The following PALS1 variants were observed in gnomAD, a reference collection of about 807,000 sequenced individuals.
PALS1 encodes protein associated with LIN7 1, MAGUK p55 family member, also known as protein PALS1.
PALS1 carries 31 observed loss-of-function variants against 78.9 expected under a neutral mutation model. That is an observed-to-expected ratio of 0.39 (90% CI 0.30 to 0.53). PALS1 has a LOEUF of 0.53. PALS1 is among the 20% of genes least tolerant of loss of function. The pLI, the probability that PALS1 is intolerant of heterozygous loss-of-function variation, is 0.67. For synonymous variants in PALS1, 276 were observed against 270.9 expected (o/e 1.02, Z -0.18); for missense variants, 704 against 826.5 (o/e 0.85, Z 1.82).
chr14:67,299,844 TTTTGTATACCC>T (rs2084908423), intron 4 of PALS1, among the ~76,000 whole-genome samples: 3 of 152,348 alleles, frequency 2.0e-5, no homozygotes, highest in South Asian at 4.1e-4. Context: ...ACTCAGTGTA[TTTTGTATACCC>T]TTGGTACATT....
intron 4 of PALS1, among the ~76,000 whole-genome samples, chr14:67,296,506 G>A (rs1028272121): frequency 2.7e-4 from 40 of 149,744 alleles, no homozygotes; most frequent in Admixed American, 2.6e-3. Flanking sequence ...GCATGAACCC[G>A]GGGAGGCAGA....
Position 67,302,122 on chromosome 14 carries a change from AGT to A in PALS1, c.801+7_801+8del. ...AAAGGCTCGTGATATTCCGTTGGTA[AGT>A]GTCCCACATACTGTTTTTAAACAAG... On this transcript the variant is annotated splice_donor_5th_base_variant and intron_variant, in intron 6 of 14. Transcript: ENST00000261681. 2 of 1,598,070 alleles carry A rather than the reference AGT, an allele frequency of 1.3e-6. No homozygotes were observed. Among genetic ancestry groups the A allele is most frequent in the Non-Finnish European group, 1.7e-6 (2 of 1,173,468 alleles).
chr14:67,260,464 CTT>C (rs1221082198), intron 1 of PALS1, among the ~76,000 whole-genome samples: 1 of 152,192 alleles, frequency 6.6e-6, no homozygotes, highest in Non-Finnish European at 1.5e-5. Flanking sequence ...AGTTAACAAA[CTT>C]TGCCTCGGGG....
intron 5 of PALS1, 77 bp from the exon 6 acceptor site, chr14:67,301,895 A>G (rs776477084): frequency 2.8e-6 from 4 of 1,421,486 alleles, no homozygotes; most frequent in South Asian, 3.0e-5. Flanking sequence ...TCAGAATACT[A>G]TGTACATAGG....
At chr14:67,296,585 C>CA (rs374329692) in intron 4 of PALS1, among the ~76,000 whole-genome samples, 2,665 of 50,862 alleles carry the variant, frequency 0.052, 586 homozygotes, top group Non-Finnish European at 0.11. Context: ...AACTCTGTCT[C>CA]AAAAAAAAAA....
rs747609089 is a variant in PALS1, at chr14:67,303,558, C to G, written c.1000C>G (p.Pro334Ala). Residue 334 changes from proline to alanine, a missense_variant, in exon 8 of 15, where the codon CCC becomes GCC. Transcript: ENST00000261681. ...TGGTACTTTGACTTTTGTCCTGATT[C>G]CCAGTCAACAGATCAAGCCGCCTCC... ...MHGTLTFVLIPSQQIKPPPAK... is the reference protein window; with the variant it reads ...MHGTLTFVLIASQQIKPPPAK... The G allele has an allele frequency of 1.9e-6, 3 of 1,613,778 alleles. No individual in the cohort carries two copies. Among genetic ancestry groups the G allele is most frequent in the Non-Finnish European group, 1.7e-6 (2 of 1,179,772 alleles).
chr14:67,287,483 T>TA (rs1208245250), intron 3 of PALS1, among the ~76,000 whole-genome samples: 1 of 152,062 alleles, frequency 6.6e-6, no homozygotes, highest in African/African-American at 2.4e-5. Flanking sequence ...AAAGAAGAAA[T>TA]TCAAATGGCT....
chr14:67,303,374 C>T, intron 7 of PALS1, 148 bp from the exon 8 acceptor site: 1 of 624,366 alleles, frequency 1.6e-6, no homozygotes, highest in Non-Finnish European at 2.9e-6. Flanking sequence ...CAGCCCCATT[C>T]ATTGCTTTGG....
chr14:67,249,242 G>A (rs1192400125), intron 1 of PALS1, among the ~76,000 whole-genome samples: 5 of 152,178 alleles, frequency 3.3e-5, no homozygotes, highest in East Asian at 1.9e-4. Flanking sequence ...GATTACAGGC[G>A]TGGGCCACCA....
At position 67,285,422 on chromosome 14, in the gene PALS1, A is replaced by G. The variant is rs181292742; in HGVS notation, c.367+5885A>G. Among the ~76,000 whole-genome samples, 603 of 144,326 alleles carry G rather than the reference A, an allele frequency of 4.2e-3. 18 individuals carry two copies. The East Asian group carries it at 0.061, about 15-fold the overall frequency. The allele number at this position is 144,326 out of a possible 152,430, so 94.7% of individuals were successfully genotyped here. ...CGCTCTGTCGCCCAGGCTGGAGTGC[A>G]GTGGCGCGATCTCGGCTCACTGCAA... On this transcript the variant is annotated intron_variant, in intron 3 of 14. Transcript: ENST00000261681.
chr14:67,311,631 T>A (rs894454267), intron 8 of PALS1, among the ~76,000 whole-genome samples: 3 of 152,168 alleles, frequency 2.0e-5, no homozygotes, highest in African/African-American at 7.2e-5. Flanking sequence ...GAATAGTCTG[T>A]CATATCTTAC....
intron 3 of PALS1, among the ~76,000 whole-genome samples, chr14:67,280,863 C>T: frequency 7.8e-6 from 1 of 128,072 alleles, no homozygotes; most frequent in African/African-American, 2.9e-5. Context: ...TTCCCTCCCT[C>T]CCTCCCTCCC....
chr14:67,309,350 T>TAAGG (rs2085054454), intron 8 of PALS1, among the ~76,000 whole-genome samples: 1 of 152,204 alleles, frequency 6.6e-6, no homozygotes, highest in African/African-American at 2.4e-5. Flanking sequence ...TACCCAGACT[T>TAAGG]TAACTCATTC....
intron 7 of PALS1, among the ~76,000 whole-genome samples, chr14:67,303,090 A>G (rs2084952151): frequency 2.0e-5 from 3 of 152,218 alleles, no homozygotes; most frequent in Admixed American, 1.3e-4. Flanking sequence ...CTGCATTTCA[A>G]GTGCTGAGAA....
intron 11 of PALS1, among the ~76,000 whole-genome samples, chr14:67,319,422 T>C (rs2140985912): frequency 6.6e-6 from 1 of 152,314 alleles, no homozygotes; most frequent in African/African-American, 2.4e-5. Context: ...TTCATGACTC[T>C]GGGTTAGCAT....
In PALS1 at chr14:67,316,848, G is replaced by C. The variant is rs937093106; in HGVS notation, c.1242G>C (p.Gln414His). 12 of 1,611,512 alleles carry C rather than the reference G, an allele frequency of 7.4e-6. No homozygotes were observed. Among genetic ancestry groups the C allele is most frequent in the Non-Finnish European group, 1.0e-5 (12 of 1,178,734 alleles). Reference protein sequence around the residue: ...AGLVPGKSFQQQREAMKQTIE... With the variant: ...AGLVPGKSFQHQREAMKQTIE... ...GCTATTAAGGGAAAAGCTTTCAGCA[G>C]CAAAGGGAAGCCATGAAACAAACCA... Residue 414 changes from glutamine to histidine, a missense_variant, in exon 10 of 15, where the codon CAG becomes CAC. Coordinates refer to ENST00000261681, the MANE Select transcript of PALS1 (RefSeq NM_022474.4).
chr14:67,283,671 A>G (rs2084635514), intron 3 of PALS1, among the ~76,000 whole-genome samples: 2 of 152,118 alleles, frequency 1.3e-5, no homozygotes, highest in African/African-American at 4.8e-5. Flanking sequence ...AAGTGTTGGG[A>G]TCATTTGAGA....
intron 1 of PALS1, among the ~76,000 whole-genome samples, chr14:67,247,605 G>T (rs2084006165): frequency 6.6e-6 from 1 of 151,748 alleles, no homozygotes; most frequent in African/African-American, 2.4e-5. Context: ...TTTAAGATAG[G>T]GTCTCACTCT....
rs890593561 is a variant in PALS1 at position 67,284,442 on chromosome 14, A to AAAAAAAAAAAAAAAAAAC, written c.367+4907_367+4908insAAAAAAAAAAAAAAACAA. 2.1e-3 allele frequency among the ~76,000 whole-genome samples: 303 copies of AAAAAAAAAAAAAAAAAAC among 142,822 alleles called. 6 individuals are homozygous for AAAAAAAAAAAAAAAAAAC. Among genetic ancestry groups the AAAAAAAAAAAAAAAAAAC allele is most frequent in the Middle Eastern group, 3.7e-3 (1 of 272 alleles). 93.7% of individuals were successfully genotyped at this position (142,822 alleles called of 152,430 possible). ...GACCCTATCTCTTAAAAAAAAAAAA[A>AAAAAAAAAAAAAAAAAAC]AACAGCTGGGCATGGTGGTATGCTT... On this transcript the variant is annotated intron_variant, in intron 3 of 14. Coordinates refer to ENST00000261681, the MANE Select transcript of PALS1 (RefSeq NM_022474.4).
Sources: gnomAD v4.1 joint callset for allele counts (sites outside exome capture counted in the v4.1 genomes callset) on GRCh38, gnomAD v4.1.1 for gene constraint, MANE v1.5 for transcripts, NCBI Gene and HGNC (gene_info 2026-07-23, HGNC 2026-07-21) for gene names.